CCHCR1: variants seen among roughly 807,000 people sequenced by gnomAD.
CCHCR1 encodes the protein HCR (a-helix coiled-coil rod homologue).
CCHCR1 carries 91 observed loss-of-function variants against 114.6 expected under a neutral mutation model. The observed-to-expected ratio is 0.79, with a 90% CI of 0.67 to 0.94. The LOEUF is 0.94. Ranked by LOEUF, CCHCR1 falls within the 40% of genes least tolerant of loss-of-function variation. The pLI is 0.00. For missense variants in CCHCR1, 899 were observed against 1,079.9 expected (o/e 0.83, Z 2.35); for synonymous variants, 379 against 428.5 (o/e 0.88, Z 1.43).
rs936337242 is a variant in CCHCR1 at position 31,157,791 on chromosome 6, T to A, written c.-191A>T. On this transcript the variant is annotated 5_prime_UTR_variant, in exon 1 of 18. Transcript: ENST00000396268. Reference sequence around the variant, plus strand: ...CGAGTCCTAACACATAGTGGGCACTTTAAGATCTTCCTCCCACCCTCCCAC... The same window carrying A: ...CGAGTCCTAACACATAGTGGGCACTATAAGATCTTCCTCCCACCCTCCCAC... The A allele has an allele frequency of 1.7e-6, 1 of 599,312 alleles. No individual in the cohort carries two copies. The highest frequency in any genetic ancestry group is 3.0e-6 in the Non-Finnish European group (1 of 337,426). The allele number at this position is 599,312 out of a possible 1,614,324, so 37.1% of individuals were successfully genotyped here. A position where few individuals can be genotyped will look rare whatever the true frequency, so the allele number is the denominator to read the frequency against.
In CCHCR1 at chr6:31,144,396, T is replaced by C. The variant is rs1773999780; in HGVS notation, c.2167+291A>G. ...TTTTAGTCGAGACAGGGTTTCGCCA[T>C]GTTGTCCAGGCTGGCCTCAAACTCC... On this transcript the variant is annotated intron_variant, in intron 15 of 17. Transcript: ENST00000396268. This position sits in a 1 kb window ranked among gnomAD's most constrained non-coding sequence, Gnocchi z 4.6. The C allele has an allele frequency of 6.1e-6, 2 of 326,072 alleles. No homozygotes were observed. The highest frequency in any genetic ancestry group is 2.2e-4 in the South Asian group (2 of 9,266). 20.2% of individuals were successfully genotyped at this position (326,072 alleles called of 1,614,324 possible). A position where few individuals can be genotyped will look rare whatever the true frequency, so the allele number is the denominator to read the frequency against.
intron 4 of CCHCR1, among the ~76,000 whole-genome samples, chr6:31,152,413 A>G (rs936965816): frequency 6.6e-6 from 1 of 151,742 alleles, no homozygotes; most frequent in African/African-American, 2.4e-5. Context: ...ATCTCAGCTC[A>G]CTGCAAACGC....
rs751733064 is a variant in CCHCR1, at chr6:31,144,700, CTCCCTCCGAGCCTCGT to C, written c.2138_2153del (p.Asn713SerfsTer48). 2 of 1,609,402 alleles carry C rather than the reference CTCCCTCCGAGCCTCGT, an allele frequency of 1.2e-6. No homozygotes were observed. The highest frequency in any genetic ancestry group is 1.7e-6 in the Non-Finnish European group (2 of 1,176,588). On this transcript the variant is annotated frameshift_variant, in exon 15 of 18. Coordinates refer to ENST00000396268, the MANE Select transcript of CCHCR1 (RefSeq NM_001105564.2). LOFTEE classifies it high-confidence loss of function. This position sits in a 1 kb window ranked among gnomAD's most constrained non-coding sequence, Gnocchi z 4.6. ...GGCAAGGCTCACCGGCCTTGGCATG[CTCCCTCCGAGCCTCGT>C]TCAGCCTCCTCTCTGTGTCTGAGAG... is the stretch of plus-strand genomic sequence containing the variant.
chr6:31,157,612 C>CT lies in CCHCR1; in HGVS notation c.-13_-12insA, dbSNP rs766843847. ...GAATGTGGCCACATGCAGGGCTAGA[C>CT]CCTCCCCAAGACCTTGGGAATCCAG... On this transcript the variant is annotated 5_prime_UTR_variant, in exon 1 of 18. Coordinates refer to ENST00000396268, the MANE Select transcript of CCHCR1 (RefSeq NM_001105564.2). The CT allele has an allele frequency of 3.3e-5, 53 of 1,602,462 alleles. No homozygotes were observed. The highest frequency in any genetic ancestry group is 4.2e-5 in the Non-Finnish European group (49 of 1,175,336).
chr6:31,157,953 T>G, upstream of CCHCR1: 1 of 335,626 alleles, frequency 3.0e-6, no homozygotes, highest in Non-Finnish European at 5.6e-6. Flanking sequence ...CCTCGCCCCC[T>G]GTACGCTAGC....
At position 31,143,545 on chromosome 6, in the gene CCHCR1, G is replaced by A; in HGVS notation, c.2168-132C>T. On this transcript the variant is annotated intron_variant, in intron 15 of 17. Transcript: ENST00000396268. This position sits in a 1 kb window ranked among gnomAD's most constrained non-coding sequence, Gnocchi z 5.3. ...GGAGGCTGTTCTGCTCTGTGGATCTGTCTCTTCTGTACAGTTGGAGGGGTG... is the reference window on the plus strand; with the variant it reads ...GGAGGCTGTTCTGCTCTGTGGATCTATCTCTTCTGTACAGTTGGAGGGGTG... The A allele has an allele frequency of 1.1e-6, 1 of 916,826 alleles. No individual in the cohort carries two copies. The highest frequency in any genetic ancestry group is 1.6e-6 in the Non-Finnish European group (1 of 616,700). 56.8% of individuals were successfully genotyped at this position (916,826 alleles called of 1,614,324 possible). A position where few individuals can be genotyped will look rare whatever the true frequency, so the allele number is the denominator to read the frequency against.
At position 31,143,152 on chromosome 6, in the gene CCHCR1, A is replaced by C. The variant is rs1258255475; in HGVS notation, c.2320-18T>G. The C allele has an allele frequency of 1.2e-6, 2 of 1,612,304 alleles. No homozygotes were observed. Among genetic ancestry groups the C allele is most frequent in the Non-Finnish European group, 1.7e-6 (2 of 1,179,688 alleles). ...AAGGTGGCCTGGGAAGGAGAGGGTT[A>C]AACCTAGCCCGGATAGAGCCTCCCT... On this transcript the variant is annotated intron_variant, in intron 16 of 17. Transcript: ENST00000396268. This position sits in a 1 kb window ranked among gnomAD's most constrained non-coding sequence, Gnocchi z 5.3.
At position 31,157,535 on chromosome 6, in the gene CCHCR1, GA is replaced by G. The variant is rs1017335786; in HGVS notation, c.65del (p.Val22AlafsTer48). The G allele has an allele frequency of 6.2e-7, 1 of 1,613,020 alleles. No individual in the cohort carries two copies. Among genetic ancestry groups the G allele is most frequent in the African/African-American group, 1.3e-5 (1 of 75,036 alleles). ...GCCCATCCAGACACCAGCAGGCCATGACTCTTGGGTCCTTCCCTGTTAAAGT... is the reference window on the plus strand; with the variant it reads ...GCCCATCCAGACACCAGCAGGCCATGCTCTTGGGTCCTTCCCTGTTAAAGT... Reference protein sequence around the residue: ...ASTLTGKDPRVMACWCLDGLP... With the variant: ...ASTLTGKDPRXMACWCLDGLP... On this transcript the variant is annotated frameshift_variant, in exon 1 of 18. Coordinates refer to ENST00000396268, the MANE Select transcript of CCHCR1 (RefSeq NM_001105564.2). LOFTEE classifies it high-confidence loss of function.
intron 8 of CCHCR1, among the ~76,000 whole-genome samples, 173 bp from the exon 9 acceptor site, chr6:31,148,901 C>T (rs1354309718): frequency 6.6e-6 from 1 of 151,990 alleles, no homozygotes; most frequent in Non-Finnish European, 1.5e-5. Flanking sequence ...CCTGTAATCC[C>T]AGCACTTTGG....
rs1413726651 is a variant in CCHCR1, at chr6:31,144,255, A to G, written c.2167+432T>C. ...ATCACCCAGGCTTGAGTGCAGTGGC[A>G]CAATCTTGGCTCACTGCAGCCTCGA... On this transcript the variant is annotated intron_variant, in intron 15 of 17. Coordinates refer to ENST00000396268, the MANE Select transcript of CCHCR1 (RefSeq NM_001105564.2). This position sits in a 1 kb window ranked among gnomAD's most constrained non-coding sequence, Gnocchi z 4.6. Among the ~76,000 whole-genome samples the G allele has an allele frequency of 2.0e-5, 3 of 152,124 alleles. No homozygotes were observed. In the South Asian group the frequency reaches 6.2e-4, roughly 32 times the overall value.
chr6:31,156,657 G>T, intron 3 of CCHCR1, 74 bp downstream of exon 3: 1 of 1,292,894 alleles, frequency 7.7e-7, no homozygotes. Context: ...GCCGAAATAG[G>T]GTAAGGAGTT....
rs769626815 is a variant in CCHCR1 at position 31,143,438 on chromosome 6, G to A, written c.2168-25C>T. On this transcript the variant is annotated intron_variant, in intron 15 of 17. Coordinates refer to ENST00000396268, the MANE Select transcript of CCHCR1 (RefSeq NM_001105564.2). This position sits in a 1 kb window ranked among gnomAD's most constrained non-coding sequence, Gnocchi z 5.3. Reference sequence around the variant, plus strand: ...ACTACAGAGAGGCCAAGGCACAGAGGAGGCAGGTGTGAGTCAGGCCAGAGG... The same window carrying A: ...ACTACAGAGAGGCCAAGGCACAGAGAAGGCAGGTGTGAGTCAGGCCAGAGG... The A allele has an allele frequency of 3.1e-6, 5 of 1,610,368 alleles. No individual in the cohort carries two copies. The highest frequency in any genetic ancestry group is 1.3e-5 in the African/African-American group (1 of 74,846).
Position 31,151,156 on chromosome 6 carries a change from G to C in CCHCR1, c.802-34C>G. 3.1e-6 allele frequency: 5 copies of C among 1,592,700 alleles called. No individual in the cohort carries two copies. Among genetic ancestry groups the C allele is most frequent in the Non-Finnish European group, 4.3e-6 (5 of 1,171,024 alleles). On this transcript the variant is annotated intron_variant, in intron 4 of 17. Coordinates refer to ENST00000396268, the MANE Select transcript of CCHCR1 (RefSeq NM_001105564.2). This position sits in a 1 kb window ranked among gnomAD's most constrained non-coding sequence, Gnocchi z 4.1. ...AGAAGAGGGGGCTCAGCAGAGGCTC[G>C]ACCCCACATGGAGGCCTTCCTTGTT... is the stretch of plus-strand genomic sequence containing the variant.
In CCHCR1 at chr6:31,143,564, A is replaced by T; in HGVS notation, c.2168-151T>A. On this transcript the variant is annotated intron_variant, in intron 15 of 17. Transcript: ENST00000396268. The surrounding 1 kb of genome is among the most constrained non-coding windows in gnomAD (Gnocchi z 5.3). ...GGATCTGTCTCTTCTGTACAGTTGG[A>T]GGGGTGGGCTGATGCTCTAGGAGCC... 1.3e-6 allele frequency: 1 copy of T among 781,938 alleles called. No homozygotes were observed. The highest frequency in any genetic ancestry group is 2.0e-6 in the Non-Finnish European group (1 of 503,668). 48.4% of individuals were successfully genotyped at this position (781,938 alleles called of 1,614,324 possible).
At chr6:31,142,738 G>C (rs1773717045) in intron 17 of CCHCR1, 22 bp from the exon 18 acceptor site, 1 of 1,598,952 alleles carries the variant, frequency 6.3e-7, no homozygotes, top group Admixed American at 1.7e-5. Context: ...GACAGCAGAT[G>C]AGCACCAGAC....
At position 31,151,155 on chromosome 6, in the gene CCHCR1, C is replaced by A; in HGVS notation, c.802-33G>T. 6.3e-7 allele frequency: 1 copy of A among 1,595,016 alleles called. No homozygotes were observed. Among genetic ancestry groups the A allele is most frequent in the Non-Finnish European group, 8.5e-7 (1 of 1,171,922 alleles). On this transcript the variant is annotated intron_variant, in intron 4 of 17. Transcript: ENST00000396268. The surrounding 1 kb of genome is among the most constrained non-coding windows in gnomAD (Gnocchi z 4.1). ...AAGAAGAGGGGGCTCAGCAGAGGCT[C>A]GACCCCACATGGAGGCCTTCCTTGT...
rs1776125395 is a variant in CCHCR1, at chr6:31,157,038, TCTC to T, written c.265_267del (p.Glu89del). The T allele has an allele frequency of 1.2e-6, 2 of 1,612,330 alleles. No individual in the cohort carries two copies. The highest frequency in any genetic ancestry group is 2.2e-5 in the South Asian group (2 of 91,040). On this transcript the variant is annotated inframe_deletion, in exon 2 of 18. Transcript: ENST00000396268. Reference sequence around the variant, plus strand: ...TCCCACTGACCTGAAGGTGGAAACATCTCCACATTATTTGAAGGCTCTAGATTC... The same window carrying T: ...TCCCACTGACCTGAAGGTGGAAACATCACATTATTTGAAGGCTCTAGATTC...
chr6:31,146,674 TTATTAAAG>T (rs1774384447), intron 10 of CCHCR1, among the ~76,000 whole-genome samples: 1 of 152,234 alleles, frequency 6.6e-6, no homozygotes, highest in African/African-American at 2.4e-5. Flanking sequence ...ACCACAGCCC[TTATTAAAG>T]TCTCCAATTA....
Position 31,148,677 on chromosome 6 carries a change from G to C in CCHCR1, c.1414C>G (p.Leu472Val), listed in dbSNP as rs1774719727. 3 of 1,612,904 alleles carry C rather than the reference G, an allele frequency of 1.9e-6. No homozygotes were observed. Among genetic ancestry groups the C allele is most frequent in the Admixed American group, 3.3e-5 (2 of 60,000 alleles). Residue 472 changes from leucine (L) to valine (V), a missense_variant, in exon 9 of 18, where the codon CTG becomes GTG. Transcript: ENST00000396268. ...VTSQSQEQAI[L>V]QRSLQDKAAE... The stretch of plus-strand genomic sequence containing the variant: ...GCTTTGTCCTGCAGGGATCGCTGCA[G>C]GATGGCCTGCTCCTGGCTCTGGGAT...
Sources: gnomAD v4.1 joint callset for allele counts (sites outside exome capture counted in the v4.1 genomes callset) on GRCh38, gnomAD v4.1.1 for gene constraint, Gnocchi (gnomAD v3.1) non-coding constraint, MANE v1.5 for transcripts, NCBI Gene and HGNC (gene_info 2026-07-23, HGNC 2026-07-21) for gene names.